Variants in AANAT observed in about 807,000 individuals in gnomAD.
AANAT encodes the protein serotonin N-acetyltransferase.
In AANAT, 11 loss-of-function variants were observed where a neutral mutation model predicts 15.6. That is an observed-to-expected ratio of 0.71 (90% CI 0.44 to 1.17). The LOEUF (loss-of-function observed/expected upper bound fraction) is 1.17, where lower values mean the gene tolerates loss of function less well. Ranked by LOEUF, AANAT falls within the 50% of genes most tolerant of loss-of-function variation. The probability of loss-of-function intolerance (pLI) is 0.00; values close to 1 mark genes in which losing one functional copy is unlikely to be tolerated. For synonymous variants in AANAT, 139 were observed against 131.5 expected (o/e 1.06, Z -0.39); for missense variants, 286 against 296.3 (o/e 0.97, Z 0.26).
intron 2 of AANAT, among the ~76,000 whole-genome samples, chr17:76,461,577 C>T (rs2073388505): frequency 7.3e-6 from 1 of 137,242 alleles, no homozygotes; most frequent in African/African-American, 2.8e-5. Context: ...CACTGCACTC[C>T]AGCCTGGGTG....
At chr17:76,464,076 C>T (rs915452837), upstream of AANAT, among the ~76,000 whole-genome samples, 1 of 152,112 alleles carries the variant, frequency 6.6e-6, no homozygotes, top group African/African-American at 2.4e-5. Flanking sequence ...TGCGGTGGCT[C>T]ACGCCTGTAA....
Position 76,467,668 on chromosome 17 carries a change from C to T in AANAT, c.-135C>T. The stretch of plus-strand genomic sequence containing the variant: ...TTTTACTGGTTCCCGTGCCTGCGGA[C>T]AGGCCCCCAGGGCTAGCGGCTTTGT... On this transcript the variant is annotated 5_prime_UTR_variant, in exon 1 of 4. Transcript: ENST00000392492. 1 of 985,524 alleles carries T rather than the reference C, an allele frequency of 1.0e-6. No individual in the cohort carries two copies. The highest frequency in any genetic ancestry group is 1.2e-6 in the Non-Finnish European group (1 of 829,996). The allele number at this position is 985,524 out of a possible 1,614,324, so 61.0% of individuals were successfully genotyped here.
chr17:76,467,348 C>T (rs539771141), upstream of AANAT, among the ~76,000 whole-genome samples: 1 of 152,234 alleles, frequency 6.6e-6, no homozygotes, highest in South Asian at 2.1e-4. Context: ...TCGCTGGTGC[C>T]CAGCCAGTCG....
At position 76,469,665 on chromosome 17, in the gene AANAT, G is replaced by A. The variant is rs1468896472; in HGVS notation, c.319G>A (p.Glu107Lys). The part of the protein sequence containing the change: ...SLWDKERLMQ[E>K]SLTLHRSGGH... Reference sequence around the variant, plus strand: ...GATCTCATCCCTTGCTCGCTCCCAGGAGTCACTGACGCTGCACAGGTCTGG... The same window carrying A: ...GATCTCATCCCTTGCTCGCTCCCAGAAGTCACTGACGCTGCACAGGTCTGG... The change falls in exon 4 of 4, where the codon GAG becomes AAG. Residue 107 changes from glutamate to lysine, a missense_variant and splice_region_variant. By Grantham distance (56) the Glu-to-Lys change is moderately conservative. Coordinates refer to ENST00000392492, the MANE Select transcript of AANAT (RefSeq NM_001088.3). The surrounding 1 kb of genome is among the most constrained non-coding windows in gnomAD (Gnocchi z 5.2). The A allele has an allele frequency of 3.4e-6, 5 of 1,483,188 alleles. No individual in the cohort carries two copies. The East Asian group carries it at 1.2e-4, about 35-fold the overall frequency. 91.9% of individuals were successfully genotyped at this position (1,483,188 alleles called of 1,614,324 possible). A position where few individuals can be genotyped will look rare whatever the true frequency, so the allele number is the denominator to read the frequency against.
chr17:76,464,219 G>A (rs12947009), upstream of AANAT, among the ~76,000 whole-genome samples: 12 of 152,154 alleles, frequency 7.9e-5, no homozygotes, highest in African/African-American at 2.7e-4. Context: ...GTGTGCGCCC[G>A]TAATCCCAGC....
At position 76,469,245 on chromosome 17, in the gene AANAT, A is replaced by G. The variant is rs1239547010; in HGVS notation, c.236A>G (p.Glu79Gly). 6.2e-7 allele frequency: 1 copy of G among 1,614,176 alleles called. No homozygotes were observed. Among genetic ancestry groups the G allele is most frequent in the Non-Finnish European group, 8.5e-7 (1 of 1,180,024 alleles). The change falls in exon 3 of 4, where the codon GAG becomes GGG. Residue 79 changes from glutamate to glycine, a missense_variant. Glu to Gly is a moderately conservative substitution (Grantham distance 98). Transcript: ENST00000392492. This position sits in a 1 kb window ranked among gnomAD's most constrained non-coding sequence, Gnocchi z 5.2. ...CGGCACTTCCTGACCCTATGTCCAGAGCTGTCCCTGGGCTGGTTCGAGGAG... is the reference window on the plus strand; with the variant it reads ...CGGCACTTCCTGACCCTATGTCCAGGGCTGTCCCTGGGCTGGTTCGAGGAG... The part of the protein sequence containing the change: ...EIRHFLTLCP[E>G]LSLGWFEEGC...
At chr17:76,467,361 G>A (rs2073449662), upstream of AANAT, among the ~76,000 whole-genome samples, 1 of 152,130 alleles carries the variant, frequency 6.6e-6, no homozygotes, top group South Asian at 2.1e-4. Context: ...GCCAGTCGGT[G>A]ACAGAGCAGG....
chr17:76,469,664 G>A lies in AANAT; in HGVS notation c.319-1G>A. The A allele has an allele frequency of 1.3e-6, 2 of 1,482,672 alleles. No homozygotes were observed. The highest frequency in any genetic ancestry group is 2.8e-5 in the South Asian group (2 of 71,994). The allele number at this position is 1,482,672 out of a possible 1,614,324, so 91.8% of individuals were successfully genotyped here. A position where few individuals can be genotyped will look rare whatever the true frequency, so the allele number is the denominator to read the frequency against. On this transcript the variant is annotated splice_acceptor_variant, in intron 3 of 3. Transcript: ENST00000392492. LOFTEE classifies it high-confidence loss of function. The surrounding 1 kb of genome is among the most constrained non-coding windows in gnomAD (Gnocchi z 5.2). Reference sequence around the variant, plus strand: ...GGATCTCATCCCTTGCTCGCTCCCAGGAGTCACTGACGCTGCACAGGTCTG... The same window carrying A: ...GGATCTCATCCCTTGCTCGCTCCCAAGAGTCACTGACGCTGCACAGGTCTG...
intron 1 of AANAT, 163 bp from the exon 2 acceptor site, chr17:76,468,509 G>A: frequency 1.6e-6 from 1 of 634,650 alleles, no homozygotes; most frequent in Non-Finnish European, 2.7e-6. Flanking sequence ...TGTTTGCAAT[G>A]CCTGGTAACA....
At chr17:76,457,035 C>T (rs961891352) in intron 1 of AANAT, among the ~76,000 whole-genome samples, 2 of 152,088 alleles carry the variant, frequency 1.3e-5, no homozygotes, top group African/African-American at 4.8e-5. Flanking sequence ...TAAGGCAGTG[C>T]AGACCTCAAA....
rs61739395 is a variant in AANAT at position 76,468,754 on chromosome 17, C to A, written c.8C>A (p.Thr3Lys). 10 of 1,611,610 alleles carry A rather than the reference C, an allele frequency of 6.2e-6. No individual in the cohort carries two copies. The East Asian group carries it at 2.2e-4, about 36-fold the overall frequency. The change falls in exon 2 of 4, where the codon ACG becomes AAG. Residue 3 changes from threonine to lysine, a missense_variant. Thr to Lys is a moderately conservative substitution (Grantham distance 78, BLOSUM62 -1). Coordinates refer to ENST00000392492, the MANE Select transcript of AANAT (RefSeq NM_001088.3). The part of the protein sequence containing the change: MS[T>K]QSTHPLKPEA... The stretch of plus-strand genomic sequence containing the variant: ...GAGGCACCAGTGGCCAGAATGTCCA[C>A]GCAGAGCACCCACCCCCTGAAACCT...
At chr17:76,460,605 T>C (rs1023816076) in intron 2 of AANAT, among the ~76,000 whole-genome samples, 5 of 152,170 alleles carry the variant, frequency 3.3e-5, no homozygotes, top group Non-Finnish European at 5.9e-5. Flanking sequence ...CCAGCCTCTT[T>C]TGGCTTTTTA....
At chr17:76,464,803 T>A (rs547718433), upstream of AANAT, among the ~76,000 whole-genome samples, 476 of 151,710 alleles carry the variant, frequency 3.1e-3, 1 homozygote, top group African/African-American at 0.011. Flanking sequence ...CTATATATTT[T>A]TTTTTTTTGA....
intron 1 of AANAT, among the ~76,000 whole-genome samples, chr17:76,455,104 G>C (rs571783535): frequency 7.9e-5 from 12 of 152,222 alleles, no homozygotes; most frequent in Non-Finnish European, 1.5e-4. Flanking sequence ...TCCAGCCTGG[G>C]CGACAGAGTG....
chr17:76,464,955 C>T (rs967865593), upstream of AANAT, among the ~76,000 whole-genome samples: 2 of 152,068 alleles, frequency 1.3e-5, no homozygotes, highest in African/African-American at 4.8e-5. Flanking sequence ...ACCACCACAC[C>T]TGGCTGATTT....
intron 2 of AANAT, chr17:76,462,194 T>C (rs1598637138): frequency 6.6e-6 from 1 of 152,178 alleles, no homozygotes; most frequent in Non-Finnish European, 1.5e-5. Context: ...GAGCTGCAGG[T>C]CCCAGCCAGA....
chr17:76,455,185 A>C (rs1308101703), intron 1 of AANAT, among the ~76,000 whole-genome samples: 5 of 151,970 alleles, frequency 3.3e-5, no homozygotes, highest in Admixed American at 2.6e-4. Context: ...CAACACTTTG[A>C]CTGCGCCTGA....
chr17:76,464,507 G>A (rs1433290255), upstream of AANAT, among the ~76,000 whole-genome samples: 2 of 152,070 alleles, frequency 1.3e-5, no homozygotes, highest in Non-Finnish European at 2.9e-5. Flanking sequence ...GCTGGGTGGA[G>A]AGACAGGGGG....
upstream of AANAT, among the ~76,000 whole-genome samples, chr17:76,463,407 C>T (rs1254915882): frequency 6.7e-6 from 1 of 149,420 alleles, no homozygotes; most frequent in Non-Finnish European, 1.5e-5. Flanking sequence ...TCCTGGGTTC[C>T]AGCAATTCTC....
Sources: gnomAD v4.1 joint callset for allele counts (sites outside exome capture counted in the v4.1 genomes callset) on GRCh38, gnomAD v4.1.1 for gene constraint, Gnocchi (gnomAD v3.1) non-coding constraint, MANE v1.5 for transcripts, NCBI Gene and HGNC (gene_info 2026-07-23, HGNC 2026-07-21) for gene names.